GALNT4: variants seen among roughly 807,000 people sequenced by gnomAD.
GALNT4 encodes UDP-GalNAc:polypeptide N-acetylgalactosaminyltransferase 4.
Under a neutral mutation model 45.1 loss-of-function variants are expected in GALNT4, and 23 were observed. The observed-to-expected ratio is 0.51, with a 90% CI of 0.37 to 0.72. GALNT4 has a LOEUF of 0.72. Ranked by LOEUF, GALNT4 falls within the 30% of genes least tolerant of loss-of-function variation. The pLI, the probability that GALNT4 is intolerant of heterozygous loss-of-function variation, is 0.00. For synonymous variants in GALNT4, 264 were observed against 257.6 expected, an observed-to-expected ratio of 1.02 and a Z score of -0.24; for missense variants, 757 against 709.0, an observed-to-expected ratio of 1.07 and a Z score of -0.77.
Position 89,522,644 on chromosome 12 carries a change from G to A in GALNT4, c.*169C>T, listed in dbSNP as rs1440053908. ...GAAATATTAAACAGCAGCACTCTGG[G>A]TACCCAGTTTCAGTGTGATATACCA... is the stretch of plus-strand genomic sequence containing the variant. On this transcript the variant is annotated 3_prime_UTR_variant, in exon 1 of 1. Transcript: ENST00000529983. 12 of 703,560 alleles carry A rather than the reference G, an allele frequency of 1.7e-5. No individual in the cohort carries two copies. The highest frequency in any genetic ancestry group is 3.7e-5 in the African/African-American group (2 of 54,102). The allele number at this position is 703,560 out of a possible 1,614,324, so 43.6% of individuals were successfully genotyped here.
chr12:89,522,493 T>C lies in GALNT4; in HGVS notation c.*320A>G. On this transcript the variant is annotated 3_prime_UTR_variant, in exon 1 of 1. Transcript: ENST00000529983. ...TCATACCTCATTTTACTTGGACCTT[T>C]ACATTCTTTAATATTAAGTCTGGCA... is the stretch of plus-strand genomic sequence containing the variant. The C allele has an allele frequency of 2.9e-6, 1 of 345,558 alleles. No individual in the cohort carries two copies. Among genetic ancestry groups the C allele is most frequent in the Non-Finnish European group, 5.1e-6 (1 of 194,496 alleles). The allele number at this position is 345,558 out of a possible 1,614,324, so 21.4% of individuals were successfully genotyped here.
chr12:89,523,929 C>T lies in GALNT4; in HGVS notation c.621G>A (p.Leu207=). 6.2e-7 allele frequency: 1 copy of T among 1,611,262 alleles called. No homozygotes were observed. The highest frequency in any genetic ancestry group is 2.2e-5 in the East Asian group (1 of 44,874). The change falls in exon 1 of 1, where the codon CTG becomes CTA. Residue 207 remains leucine, a synonymous_variant. Transcript: ENST00000529983. ...TGGCCCCAATCAGACGGGCCCTAAC[C>T]AGCCCCTCTCGCTTATTGGTCCTAA... The part of the protein sequence containing the change: ...RLIRTNKREG[L]VRARLIGATF...
chr12:89,524,261 T>C lies in GALNT4; in HGVS notation c.289A>G (p.Ile97Val). ...TAAATATTGATGGCGTATCTCTCAA[T>C]GAGTTCTTCTTGCTGCTTCAGTTCA... Reference protein sequence around the residue: ...EDELKQQEELIERYAINIYLS... With the variant: ...EDELKQQEELVERYAINIYLS... The change falls in exon 1 of 1, where the codon ATT (isoleucine) becomes GTT (valine). Residue 97 changes from isoleucine (I) to valine (V), a missense_variant. Coordinates refer to ENST00000529983, the MANE Select transcript of GALNT4 (RefSeq NM_003774.5). 6.2e-7 allele frequency: 1 copy of C among 1,613,982 alleles called. No homozygotes were observed. The highest frequency in any genetic ancestry group is 2.2e-5 in the East Asian group (1 of 44,886).
In GALNT4 at chr12:89,523,984, T is replaced by C. The variant is rs1871175401; in HGVS notation, c.566A>G (p.Tyr189Cys). The change falls in exon 1 of 1, where the codon TAC becomes TGC. Residue 189 changes from tyrosine to cysteine, a missense_variant. Coordinates refer to ENST00000529983, the MANE Select transcript of GALNT4 (RefSeq NM_003774.5). Reference protein sequence around the residue: ...RVYLKTQLETYISNLDRVRLI... With the variant: ...RVYLKTQLETCISNLDRVRLI... ...GCGTACTCTATCAAGATTGCTGATG[T>C]AAGTTTCAAGTTGTGTCTTCAAATA... The C allele has an allele frequency of 1.2e-6, 2 of 1,613,820 alleles. No individual in the cohort carries two copies. Among genetic ancestry groups the C allele is most frequent in the Admixed American group, 1.7e-5 (1 of 59,990 alleles).
Position 89,523,051 on chromosome 12 carries a change from GTCACAGAATT to G in GALNT4, c.1489_1498del (p.Asn497GlnfsTer63). On this transcript the variant is annotated frameshift_variant, in exon 1 of 1. Coordinates refer to ENST00000529983, the MANE Select transcript of GALNT4 (RefSeq NM_003774.5). LOFTEE classifies it high-confidence loss of function. ...CTCAGGTACCTCTGCACATAACTCTGTCACAGAATTAAACCTTATTTCTTTGTTTGAAGTA... is the reference window on the plus strand; with the variant it reads ...CTCAGGTACCTCTGCACATAACTCTGAAACCTTATTTCTTTGTTTGAAGTA... 6.2e-7 allele frequency: 1 copy of G among 1,613,774 alleles called. No individual in the cohort carries two copies. The highest frequency in any genetic ancestry group is 8.5e-7 in the Non-Finnish European group (1 of 1,179,746).
Position 89,522,695 on chromosome 12 carries a change from C to G in GALNT4, c.*118G>C. 1.5e-6 allele frequency: 2 copies of G among 1,354,420 alleles called. No individual in the cohort carries two copies. The highest frequency in any genetic ancestry group is 2.0e-6 in the Non-Finnish European group (2 of 1,014,830). The allele number at this position is 1,354,420 out of a possible 1,614,324, so 83.9% of individuals were successfully genotyped here. On this transcript the variant is annotated 3_prime_UTR_variant, in exon 1 of 1. Coordinates refer to ENST00000529983, the MANE Select transcript of GALNT4 (RefSeq NM_003774.5). ...AAATGAACCCCAGCTTTCCAGTGCT[C>G]CACAGATGACTGCTAGGTGGCTTTT... is the stretch of plus-strand genomic sequence containing the variant.
Position 89,523,148 on chromosome 12 carries a change from T to C in GALNT4, c.1402A>G (p.Thr468Ala), listed in dbSNP as rs1871056987. The change falls in exon 1 of 1, where the codon ACA becomes GCA. Residue 468 changes from threonine (T) to alanine (A), a missense_variant. Thr to Ala is a moderately conservative substitution (Grantham distance 58). Transcript: ENST00000529983. ...LDYNSPDNNP[T>A]GANLSLFGCH... ...CCAAACAGTGAAAGGTTAGCACCTG[T>C]GGGGTTGTTGTCAGGAGAATTATAA... The C allele has an allele frequency of 1.9e-6, 3 of 1,613,618 alleles. No individual in the cohort carries two copies. In the African/African-American group the frequency reaches 4.0e-5, roughly 22 times the overall value.
chr12:89,522,996 A>G lies in GALNT4; in HGVS notation c.1554T>C (p.Cys518=). The change falls in exon 1 of 1, where the codon TGT becomes TGC. Residue 518 remains cysteine (C), a synonymous_variant. Coordinates refer to ENST00000529983, the MANE Select transcript of GALNT4 (RefSeq NM_003774.5). ...CTGGTACAGGGAACCCATCTTTGGG[A>G]CAATTTTGCATTCCCACATAATTTT... ...EQKNYVGMQN[C]PKDGFPVPAN... 1 of 1,613,974 alleles carries G rather than the reference A, an allele frequency of 6.2e-7. No individual in the cohort carries two copies. Among genetic ancestry groups the G allele is most frequent in the East Asian group, 2.2e-5 (1 of 44,894 alleles).
In GALNT4 at chr12:89,524,756, C is replaced by T. The variant is rs1871271152; in HGVS notation, c.-207G>A. On this transcript the variant is annotated 5_prime_UTR_variant, in exon 1 of 1. Coordinates refer to ENST00000529983, the MANE Select transcript of GALNT4 (RefSeq NM_003774.5). ...CTCCGGCACAGCCCAACTCCTCTCTCCCTACTTCCTCCTGCTCGGCTCACA... is the reference window on the plus strand; with the variant it reads ...CTCCGGCACAGCCCAACTCCTCTCTTCCTACTTCCTCCTGCTCGGCTCACA... The T allele has an allele frequency of 1.6e-6, 1 of 638,618 alleles. No homozygotes were observed. The highest frequency in any genetic ancestry group is 2.0e-5 in the South Asian group (1 of 51,018). The allele number at this position is 638,618 out of a possible 1,614,324, so 39.6% of individuals were successfully genotyped here.
In GALNT4 at chr12:89,522,712, G is replaced by A. The variant is rs1870987133; in HGVS notation, c.*101C>T. 8.3e-6 allele frequency: 12 copies of A among 1,451,324 alleles called. No homozygotes were observed. The highest frequency in any genetic ancestry group is 2.5e-5 in the Admixed American group (1 of 40,052). 89.9% of individuals were successfully genotyped at this position (1,451,324 alleles called of 1,614,324 possible). A position where few individuals can be genotyped will look rare whatever the true frequency, so the allele number is the denominator to read the frequency against. ...CCAGTGCTCCACAGATGACTGCTAG[G>A]TGGCTTTTGATAAAATAAAATACAA... is the stretch of plus-strand genomic sequence containing the variant. On this transcript the variant is annotated 3_prime_UTR_variant, in exon 1 of 1. Transcript: ENST00000529983.
Position 89,523,873 on chromosome 12 carries a change from A to G in GALNT4, c.677T>C (p.Leu226Pro). The G allele has an allele frequency of 1.3e-6, 2 of 1,569,904 alleles. No individual in the cohort carries two copies. The highest frequency in any genetic ancestry group is 2.4e-5 in the South Asian group (2 of 82,290). The change falls in exon 1 of 1, where the codon CTG becomes CCG. Residue 226 changes from leucine to proline, a missense_variant. Transcript: ENST00000529983. Reference sequence around the variant, plus strand: ...GGAATTACACTCACAGTGACAATCCAGGAAAGTGAGGACGTCCCCAGTGGC... The same window carrying G: ...GGAATTACACTCACAGTGACAATCCGGGAAAGTGAGGACGTCCCCAGTGGC... ...TFATGDVLTF[L>P]DCHCECNSGW...
In GALNT4 at chr12:89,524,361, A is replaced by T. The variant is rs1267750614; in HGVS notation, c.189T>A (p.Leu63=). ...QKNTEDLSRP[L]YKKPPADSRA... ...GGGAATCTGCAGGGGGCTTCTTATA[A>T]AGCGGTCGAGACAAATCCTCCGTAT... Residue 63 remains leucine, a synonymous_variant, in exon 1 of 1, where the codon CTT becomes CTA. Transcript: ENST00000529983. 5.6e-6 allele frequency: 9 copies of T among 1,613,902 alleles called. No homozygotes were observed. The highest frequency in any genetic ancestry group is 5.0e-5 in the Admixed American group (3 of 60,006).
In GALNT4 at chr12:89,524,689, C is replaced by G; in HGVS notation, c.-140G>C. 1 of 868,374 alleles carries G rather than the reference C, an allele frequency of 1.2e-6. No individual in the cohort carries two copies. The highest frequency in any genetic ancestry group is 1.8e-5 in the South Asian group (1 of 56,710). 53.8% of individuals were successfully genotyped at this position (868,374 alleles called of 1,614,324 possible). ...AGGCGCTAGGCTCCTTTCCAGCCACCCAGGCTTTCCAGGGGTCACCTGAGC... is the reference window on the plus strand; with the variant it reads ...AGGCGCTAGGCTCCTTTCCAGCCACGCAGGCTTTCCAGGGGTCACCTGAGC... On this transcript the variant is annotated 5_prime_UTR_variant, in exon 1 of 1. Coordinates refer to ENST00000529983, the MANE Select transcript of GALNT4 (RefSeq NM_003774.5).
Position 89,524,392 on chromosome 12 carries a change from T to C in GALNT4, c.158A>G (p.Gln53Arg). The change falls in exon 1 of 1, where the codon CAG (glutamine) becomes CGG (arginine). Residue 53 changes from glutamine (Q) to arginine (R), a missense_variant. Physicochemically the swap from Gln to Arg is conservative, Grantham distance 43. Transcript: ENST00000529983. ...ELGSRRLSDL[Q>R]KNTEDLSRPL... is the part of the protein sequence containing the mutation. ...TCGAGACAAATCCTCCGTATTTTTCTGGAGGTCTGAGAGCCTTCTTGACCC... is the reference window on the plus strand; with the variant it reads ...TCGAGACAAATCCTCCGTATTTTTCCGGAGGTCTGAGAGCCTTCTTGACCC... 1 of 1,614,052 alleles carries C rather than the reference T, an allele frequency of 6.2e-7. No homozygotes were observed. Among genetic ancestry groups the C allele is most frequent in the Non-Finnish European group, 8.5e-7 (1 of 1,179,906 alleles).
chr12:89,522,915 T>A lies in GALNT4; in HGVS notation c.1635A>T (p.Gly545=). The change falls in exon 1 of 1, where the codon GGA becomes GGT. Residue 545 remains glycine, a synonymous_variant. Transcript: ENST00000529983. ...GTGTCCGATAAGCACTAAGACACAG[T>A]CCTGAGTGTGGGTGAAAAATAGTTC... is the stretch of plus-strand genomic sequence containing the variant. ...EDGTIFHPHS[G]LCLSAYRTPE... is the part of the protein sequence containing the mutation. The A allele has an allele frequency of 6.2e-7, 1 of 1,614,078 alleles. No individual in the cohort carries two copies. The highest frequency in any genetic ancestry group is 8.5e-7 in the Non-Finnish European group (1 of 1,179,904).
rs1481835999 is a variant in GALNT4 at position 89,523,682 on chromosome 12, G to A, written c.868C>T (p.Pro290Ser). The A allele has an allele frequency of 1.3e-6, 2 of 1,539,306 alleles. No individual in the cohort carries two copies. Among genetic ancestry groups the A allele is most frequent in the East Asian group, 2.2e-5 (1 of 44,534 alleles). The change falls in exon 1 of 1, where the codon CCC (proline) becomes TCC (serine). Residue 290 changes from proline (P) to serine (S), a missense_variant. Pro to Ser is a moderately conservative substitution (Grantham distance 74, BLOSUM62 -1). Coordinates refer to ENST00000529983, the MANE Select transcript of GALNT4 (RefSeq NM_003774.5). ...ATCCGCCTGTCCCTTTCCTGTTTGG[G>A]GACAGAATGCCACTGAAATGTTAAA... ...WRLTFQWHSV[P>S]KQERDRRISR... is the part of the protein sequence containing the mutation.
At position 89,523,151 on chromosome 12, in the gene GALNT4, G is replaced by C. The variant is rs1382047010; in HGVS notation, c.1399C>G (p.Pro467Ala). 6.2e-7 allele frequency: 1 copy of C among 1,613,548 alleles called. No homozygotes were observed. Among genetic ancestry groups the C allele is most frequent in the East Asian group, 2.2e-5 (1 of 44,884 alleles). The change falls in exon 1 of 1, where the codon CCC becomes GCC. Residue 467 changes from proline (P) to alanine (A), a missense_variant. Pro to Ala is a conservative substitution (Grantham distance 27). Transcript: ENST00000529983. ...CLDYNSPDNNPTGANLSLFGC... is the reference protein window; with the variant it reads ...CLDYNSPDNNATGANLSLFGC... ...AACAGTGAAAGGTTAGCACCTGTGGGGTTGTTGTCAGGAGAATTATAATCT... is the reference window on the plus strand; with the variant it reads ...AACAGTGAAAGGTTAGCACCTGTGGCGTTGTTGTCAGGAGAATTATAATCT...
At position 89,519,716 on chromosome 12, in the gene GALNT4, T is replaced by C. The variant is rs982290320; in HGVS notation, c.*3097A>G. The C allele has an allele frequency of 6.6e-6, 1 of 152,608 alleles. No individual in the cohort carries two copies. Among genetic ancestry groups the C allele is most frequent in the Non-Finnish European group, 1.5e-5 (1 of 68,018 alleles). The allele number at this position is 152,608 out of a possible 1,614,324, so 9.5% of individuals were successfully genotyped here. A position where few individuals can be genotyped will look rare whatever the true frequency, so the allele number is the denominator to read the frequency against. On this transcript the variant is annotated 3_prime_UTR_variant, in exon 1 of 1. Transcript: ENST00000529983. The stretch of plus-strand genomic sequence containing the variant: ...GTTTGATTTGCCATCTTATAATGAA[T>C]ATGCAGGAACTTACTAATGGGTAAG...
In GALNT4 at chr12:89,524,587, A is replaced by AGCCACCAC; in HGVS notation, c.-46_-39dup. ...GGCTGAGGCGCAGACGCGGCCACCA[A>AGCCACCAC]GCCACCACGCAGGGGAAGGGCGGCG... On this transcript the variant is annotated 5_prime_UTR_variant, in exon 1 of 1. Coordinates refer to ENST00000529983, the MANE Select transcript of GALNT4 (RefSeq NM_003774.5). 1 of 1,606,682 alleles carries AGCCACCAC rather than the reference A, an allele frequency of 6.2e-7. No individual in the cohort carries two copies. The highest frequency in any genetic ancestry group is 8.5e-7 in the Non-Finnish European group (1 of 1,177,664).
Sources: allele counts gnomAD v4.1 joint callset, GRCh38; gene constraint gnomAD v4.1.1; transcripts MANE v1.5; gene names NCBI Gene and HGNC (gene_info 2026-07-23, HGNC 2026-07-21).